The following ITGB1BP1 variants were observed in gnomAD, a reference collection of about 807,000 sequenced individuals.
ITGB1BP1 encodes integrin beta-1-binding protein 1.
ITGB1BP1 carries 20 observed loss-of-function variants against 28.0 expected under a neutral mutation model. The observed-to-expected ratio is 0.71, with a 90% CI of 0.50 to 1.04. The LOEUF (loss-of-function observed/expected upper bound fraction) is 1.04. Among genes scored for constraint, ITGB1BP1 ranks in the 50% least tolerant of loss-of-function variants. The probability of loss-of-function intolerance (pLI) is 0.00; values close to 1 mark genes in which losing one functional copy is unlikely to be tolerated. For synonymous variants in ITGB1BP1, 103 were observed against 89.5 expected, an observed-to-expected ratio of 1.15 and a Z score of -0.85; for missense variants, 228 against 242.5, an observed-to-expected ratio of 0.94 and a Z score of 0.40.
intron 1 of ITGB1BP1, among the ~76,000 whole-genome samples, chr2:9,420,695 C>G (rs571456982): frequency 1.3e-5 from 2 of 152,318 alleles, no homozygotes; most frequent in Admixed American, 1.3e-4. Flanking sequence ...GCCCAAAGTG[C>G]CACAGAAGGC....
chr2:9,419,887 G>C (rs1157565772), intron 1 of ITGB1BP1: 1 of 184,738 alleles, frequency 5.4e-6, no homozygotes, highest in Non-Finnish European at 1.0e-5. Flanking sequence ...TTACAGATGA[G>C]GGAACTGTGA....
chr2:9,422,881 C>A, intron 1 of ITGB1BP1: 4 of 985,962 alleles, frequency 4.1e-6, no homozygotes, highest in Non-Finnish European at 4.8e-6. Context: ...CCCAGGGTCA[C>A]CAGAGTAAGG....
intron 4 of ITGB1BP1, among the ~76,000 whole-genome samples, chr2:9,410,001 C>G (rs1558424407): frequency 6.6e-6 from 1 of 151,976 alleles, no homozygotes; most frequent in Non-Finnish European, 1.5e-5. Context: ...TGCGCCACCA[C>G]ACCCAACTAA....
In ITGB1BP1 at chr2:9,403,563, G is replaced by A; in HGVS notation, c.*3271C>T. ...TTAGGAAAAACTGAATTTCCCAACA[G>A]GTGAACTGAAAAGTTATTTTAACTA... is the stretch of plus-strand genomic sequence containing the variant. On this transcript the variant is annotated 3_prime_UTR_variant, in exon 7 of 7. Coordinates refer to ENST00000355346, the MANE Select transcript of ITGB1BP1 (RefSeq NM_004763.5). 2.0e-6 allele frequency: 1 copy of A among 504,696 alleles called. No individual in the cohort carries two copies. Among genetic ancestry groups the A allele is most frequent in the Non-Finnish European group, 3.5e-6 (1 of 286,230 alleles). The allele number at this position is 504,696 out of a possible 1,614,324, so 31.3% of individuals were successfully genotyped here.
chr2:9,408,461 C>T (rs1346766900), intron 4 of ITGB1BP1: 1 of 337,296 alleles, frequency 3.0e-6, no homozygotes, highest in Middle Eastern at 8.8e-4. Context: ...GATCTCAGCT[C>T]GTTGCAACGT....
chr2:9,414,514 C>T (rs1486568843), intron 2 of ITGB1BP1, among the ~76,000 whole-genome samples: 2 of 152,204 alleles, frequency 1.3e-5, no homozygotes, highest in African/African-American at 2.4e-5. Context: ...TATTCTTAGT[C>T]GATTTAAATC....
intron 3 of ITGB1BP1, among the ~76,000 whole-genome samples, chr2:9,412,928 C>T (rs866808203): frequency 6.6e-6 from 1 of 152,166 alleles, no homozygotes; most frequent in Non-Finnish European, 1.5e-5. Flanking sequence ...CTTCCTCTAT[C>T]GTTCCATCAG....
chr2:9,423,308 G>T, intron 1 of ITGB1BP1, 65 bp downstream of exon 1: 1 of 1,223,390 alleles, frequency 8.2e-7, no homozygotes, highest in Non-Finnish European at 1.0e-6. Flanking sequence ...CGCCGCTCTC[G>T]GGACCGTGTT....
At position 9,408,121 on chromosome 2, in the gene ITGB1BP1, C is replaced by A; in HGVS notation, c.373G>T (p.Asp125Tyr). The A allele has an allele frequency of 6.6e-7, 1 of 1,507,846 alleles. No homozygotes were observed. Among genetic ancestry groups the A allele is most frequent in the African/African-American group, 1.4e-5 (1 of 72,942 alleles). The allele number at this position is 1,507,846 out of a possible 1,614,324, so 93.4% of individuals were successfully genotyped here. ...SKYGIKVSTSDQYDVLHRHAL... is the reference protein window; with the variant it reads ...SKYGIKVSTSYQYDVLHRHAL... ...TAAATTATATTACTTACATATTGAT[C>A]TGATGTTGATACTTTTATGCCATAC... The change falls in exon 5 of 7, where the codon GAT (aspartate) becomes TAT (tyrosine). Residue 125 changes from aspartate to tyrosine, a missense_variant. This residue lies in a region of ITGB1BP1 where 192 missense variants were observed against 181.6 expected (regional missense o/e 1.06). Coordinates refer to ENST00000355346, the MANE Select transcript of ITGB1BP1 (RefSeq NM_004763.5).
At position 9,405,559 on chromosome 2, in the gene ITGB1BP1, G is replaced by A. The variant is rs1677153581; in HGVS notation, c.*1275C>T. Reference sequence around the variant, plus strand: ...GCACAACTGTATATATTGTATAACCGAAATTGATTATTTTCATTGTCCTTA... The same window carrying A: ...GCACAACTGTATATATTGTATAACCAAAATTGATTATTTTCATTGTCCTTA... On this transcript the variant is annotated 3_prime_UTR_variant, in exon 7 of 7. Transcript: ENST00000355346. 1 of 152,546 alleles carries A rather than the reference G, an allele frequency of 6.6e-6. No homozygotes were observed. The highest frequency in any genetic ancestry group is 1.5e-5 in the Non-Finnish European group (1 of 68,034). The allele number at this position is 152,546 out of a possible 1,614,324, so 9.4% of individuals were successfully genotyped here. A position where few individuals can be genotyped will look rare whatever the true frequency, so the allele number is the denominator to read the frequency against.
At chr2:9,421,667 A>G (rs1679866165) in intron 1 of ITGB1BP1, among the ~76,000 whole-genome samples, 1 of 151,576 alleles carries the variant, frequency 6.6e-6, no homozygotes, top group Admixed American at 6.6e-5. Context: ...AGCCTGGACG[A>G]AAGAGCGAGA....
chr2:9,417,821 A>G (rs966705725), intron 2 of ITGB1BP1, among the ~76,000 whole-genome samples: 2 of 143,272 alleles, frequency 1.4e-5, no homozygotes, highest in Non-Finnish European at 3.0e-5. Flanking sequence ...AGTTTCCACC[A>G]TCTGAAACTC....
At position 9,407,542 on chromosome 2, in the gene ITGB1BP1, G is replaced by A. The variant is rs201259238; in HGVS notation, c.438C>T (p.Asp146=). Residue 146 remains aspartate, a synonymous_variant, in exon 6 of 7, where the codon GAC becomes GAT. Coordinates refer to ENST00000355346, the MANE Select transcript of ITGB1BP1 (RefSeq NM_004763.5). The stretch of plus-strand genomic sequence containing the variant: ...GTAAGCTTTTTCCCGCCCCCAGACC[G>A]TCATCGTAACACACCATCCGGATTA... ...YLIIRMVCYD[D]GLGAGKSLLA... is the part of the protein sequence containing the mutation. 8.9e-5 allele frequency: 143 copies of A among 1,614,074 alleles called. No individual in the cohort carries two copies. Among genetic ancestry groups the A allele is most frequent in the Middle Eastern group, 1.6e-4 (1 of 6,062 alleles).
chr2:9,407,502 T>C lies in ITGB1BP1; in HGVS notation c.478A>G (p.Thr160Ala), dbSNP rs1286583595. 8.7e-6 allele frequency: 14 copies of C among 1,614,218 alleles called. No homozygotes were observed. The highest frequency in any genetic ancestry group is 1.2e-5 in the Non-Finnish European group (14 of 1,180,024). ...AGKSLLALKT[T>A]DASNEEYSLW... is the part of the protein sequence containing the mutation. ...CTGTATTCCTCATTGCTTGCATCTG[T>C]GGTCTTCAGAGCCAGTAAGCTTTTT... The change falls in exon 6 of 7, where the codon ACA becomes GCA. Residue 160 changes from threonine (T) to alanine (A), a missense_variant. Coordinates refer to ENST00000355346, the MANE Select transcript of ITGB1BP1 (RefSeq NM_004763.5).
At chr2:9,414,126 G>A (rs10208358) in intron 3 of ITGB1BP1, 52 bp downstream of exon 3, 853,800 of 1,455,120 alleles carry the variant, frequency 0.59, 262,102 homozygotes, top group African/African-American at 0.93. Flanking sequence ...GTAAAACCAC[G>A]TGAACATCAA....
chr2:9,407,763 C>T (rs902816037), intron 5 of ITGB1BP1, among the ~76,000 whole-genome samples, 165 bp from the exon 6 acceptor site: 2 of 152,126 alleles, frequency 1.3e-5, no homozygotes, highest in Non-Finnish European at 2.9e-5. Flanking sequence ...CTTCAGATCC[C>T]AGCAAGCCAG....
At position 9,408,145 on chromosome 2, in the gene ITGB1BP1, A is replaced by T; in HGVS notation, c.349T>A (p.Tyr117Asn). ...EEEFIMGVSK[Y>N]GIKVSTSDQY... is the part of the protein sequence containing the mutation. ...TCTGATGTTGATACTTTTATGCCAT[A>T]CTTGGAAACTCCCATAATAAATTCT... The change falls in exon 5 of 7, where the codon TAT (tyrosine) becomes AAT (asparagine). Residue 117 changes from tyrosine to asparagine, a missense_variant. Coordinates refer to ENST00000355346, the MANE Select transcript of ITGB1BP1 (RefSeq NM_004763.5). 6.3e-7 allele frequency: 1 copy of T among 1,592,480 alleles called. No homozygotes were observed.
Position 9,412,291 on chromosome 2 carries a change from A to G in ITGB1BP1, c.266T>C (p.Ile89Thr). The G allele has an allele frequency of 6.2e-7, 1 of 1,609,796 alleles. No individual in the cohort carries two copies. The highest frequency in any genetic ancestry group is 1.3e-5 in the African/African-American group (1 of 74,758). ...GKGLEGPLDL[I>T]NYIDVAQQDG... The stretch of plus-strand genomic sequence containing the variant: ...TACCTGGGCAACGTCTATATAATTT[A>G]TCAGGTCTAATGGCCCTTCAAGGCC... The change falls in exon 4 of 7, where the codon ATA (isoleucine) becomes ACA (threonine). Residue 89 changes from isoleucine to threonine, a missense_variant. By Grantham distance (89) the Ile-to-Thr change is moderately conservative. This residue lies in a region of ITGB1BP1 where 192 missense variants were observed against 181.6 expected (regional missense o/e 1.06). Transcript: ENST00000355346.
intron 4 of ITGB1BP1, among the ~76,000 whole-genome samples, chr2:9,409,604 T>A (rs1678034938): frequency 6.6e-6 from 1 of 152,188 alleles, no homozygotes; most frequent in Non-Finnish European, 1.5e-5. Flanking sequence ...TTCTTGGAAC[T>A]ACAACTTTAA....
Sources: allele counts gnomAD v4.1 joint callset (sites outside exome capture counted in the v4.1 genomes callset), GRCh38; gene constraint gnomAD v4.1.1; regional missense constraint gnomAD v4.1.1; transcripts MANE v1.5; gene names NCBI Gene and HGNC (gene_info 2026-07-23, HGNC 2026-07-21).